TRIO: variants seen among roughly 807,000 people sequenced by gnomAD.
TRIO encodes triple functional domain protein.
In TRIO, 58 loss-of-function variants were observed where a neutral mutation model predicts 351.9. That is an observed-to-expected ratio of 0.16 (90% CI 0.13 to 0.21). TRIO has a LOEUF of 0.21. TRIO is among the 10% of genes least tolerant of loss of function. The probability of loss-of-function intolerance (pLI) is 1.00; values close to 1 mark genes in which losing one functional copy is unlikely to be tolerated. For missense variants in TRIO, 3,201 were observed against 4,027.8 expected (o/e 0.79, Z 5.56); for synonymous variants, 1,758 against 1,595.7 (o/e 1.10, Z -2.42).
intron 33 of TRIO, among the ~76,000 whole-genome samples, chr5:14,409,339 G>A (rs1013150659): frequency 6.8e-6 from 1 of 146,524 alleles, no homozygotes; most frequent in South Asian, 2.1e-4. Context: ...TCCAACGAAA[G>A]AGGAAGAATA....
chr5:14,388,028 T>C, intron 23 of TRIO, 181 bp downstream of exon 23: 1 of 589,402 alleles, frequency 1.7e-6, no homozygotes, highest in Non-Finnish European at 3.0e-6. Context: ...TATCACCTGG[T>C]TCAGAAACAG....
chr5:14,392,405 G>A (rs371610049), intron 27 of TRIO, among the ~76,000 whole-genome samples: 2 of 152,162 alleles, frequency 1.3e-5, no homozygotes, highest in African/African-American at 4.8e-5. Flanking sequence ...TTAGAATGGC[G>A]ATCATTAAAA....
At chr5:14,251,707 C>A (rs2152248067) in intron 1 of TRIO, among the ~76,000 whole-genome samples, 1 of 152,328 alleles carries the variant, frequency 6.6e-6, no homozygotes, top group South Asian at 2.1e-4. Context: ...CACCTCGAAG[C>A]TACCCTGGGA....
intron 4 of TRIO, among the ~76,000 whole-genome samples, chr5:14,290,482 T>G (rs926514534): frequency 6.6e-6 from 1 of 152,194 alleles, no homozygotes; most frequent in African/African-American, 2.4e-5. Flanking sequence ...TTCTACAGTT[T>G]TGGGTATTCC....
rs1055296970 is a variant in TRIO, at chr5:14,369,294, C to A, written c.3067-80C>A. The A allele has an allele frequency of 8.0e-6, 12 of 1,508,590 alleles. No individual in the cohort carries two copies. In the African/African-American group the frequency reaches 1.3e-4, roughly 16 times the overall value. 93.5% of individuals were successfully genotyped at this position (1,508,590 alleles called of 1,614,324 possible). A position where few individuals can be genotyped will look rare whatever the true frequency, so the allele number is the denominator to read the frequency against. On this transcript the variant is annotated intron_variant, in intron 17 of 56. Coordinates refer to ENST00000344204, the MANE Select transcript of TRIO (RefSeq NM_007118.4). Reference sequence around the variant, plus strand: ...CTGACAGCATCTTCATCCCCAGAGCCCGACTGAAAGGGCTTTCCAGGGATA... The same window carrying A: ...CTGACAGCATCTTCATCCCCAGAGCACGACTGAAAGGGCTTTCCAGGGATA...
intron 1 of TRIO, among the ~76,000 whole-genome samples, chr5:14,164,396 C>T (rs953864600): frequency 6.6e-6 from 1 of 152,174 alleles, no homozygotes; most frequent in African/African-American, 2.4e-5. Context: ...GGGCTAGCTC[C>T]AGCTTAAATA....
intron 1 of TRIO, among the ~76,000 whole-genome samples, chr5:14,182,099 A>AT (rs61476674): frequency 2.7e-4 from 41 of 150,824 alleles, no homozygotes; most frequent in Middle Eastern, 6.8e-3. Context: ...TTTGAAGGGC[A>AT]TTTTTTTTTT....
chr5:14,374,325 C>T lies in TRIO; in HGVS notation c.3313C>T (p.Pro1105Ser). Residue 1105 changes from proline (P) to serine (S), a missense_variant, in exon 19 of 57, where the codon CCT (proline) becomes TCT (serine). Transcript: ENST00000344204. ...AGGAATGGTGACGCACATCAAAGCTCCTGAACAGCAAGTGAAAAGTGAGTA... is the reference window on the plus strand; with the variant it reads ...AGGAATGGTGACGCACATCAAAGCTTCTGAACAGCAAGTGAAAAGTGAGTA... ...MPGMVTHIKAPEQQVKNILNE... is the reference protein window; with the variant it reads ...MPGMVTHIKASEQQVKNILNE... 1.2e-6 allele frequency: 2 copies of T among 1,613,118 alleles called. No homozygotes were observed. The highest frequency in any genetic ancestry group is 2.2e-5 in the East Asian group (1 of 44,828).
intron 3 of TRIO, among the ~76,000 whole-genome samples, chr5:14,283,807 A>G (rs1420609352): frequency 6.6e-6 from 1 of 152,116 alleles, no homozygotes; most frequent in African/African-American, 2.4e-5. Flanking sequence ...AGGTGAGTTC[A>G]TAAGATTCAT....
At chr5:14,485,362 T>G (rs1227951192) in intron 47 of TRIO, 116 bp downstream of exon 47, 1 of 1,077,510 alleles carries the variant, frequency 9.3e-7, no homozygotes, top group African/African-American at 1.6e-5. Flanking sequence ...CTCACCACTC[T>G]TCAGGCACTG....
At position 14,359,367 on chromosome 5, in the gene TRIO, A is replaced by G; in HGVS notation, c.2227A>G (p.Ile743Val). The G allele has an allele frequency of 1.9e-6, 3 of 1,612,894 alleles. No homozygotes were observed. Among genetic ancestry groups the G allele is most frequent in the Non-Finnish European group, 2.5e-6 (3 of 1,178,934 alleles). Residue 743 changes from isoleucine (I) to valine (V), a missense_variant, in exon 13 of 57, where the codon ATC (isoleucine) becomes GTC (valine). Coordinates refer to ENST00000344204, the MANE Select transcript of TRIO (RefSeq NM_007118.4). ...DLIQQLRDSA[I>V]SSNKTPHNSS... ...TGTGTGCTCTCGCAGGGACTCTGCC[A>G]TCTCCAGTAACAAGACCCCCCACAA...
rs150862973 is a variant in TRIO at position 14,182,437 on chromosome 5, G to A, written c.157+38555G>A. Among the ~76,000 whole-genome samples the A allele has an allele frequency of 3.5e-4, 53 of 152,342 alleles. 1 individual carries two copies. Among genetic ancestry groups the A allele is most frequent in the African/African-American group, 1.3e-3 (53 of 41,566 alleles). Reference sequence around the variant, plus strand: ...TTGTTGTCAGAGTGTAGGTGGAATAGCAAAGTTTTAGAAATGATTGCCTTA... The same window carrying A: ...TTGTTGTCAGAGTGTAGGTGGAATAACAAAGTTTTAGAAATGATTGCCTTA... On this transcript the variant is annotated intron_variant, in intron 1 of 56. Coordinates refer to ENST00000344204, the MANE Select transcript of TRIO (RefSeq NM_007118.4).
At chr5:14,407,323 G>A (rs902014590) in intron 33 of TRIO, among the ~76,000 whole-genome samples, 1 of 152,208 alleles carries the variant, frequency 6.6e-6, no homozygotes, top group African/African-American at 2.4e-5. Context: ...CAGTCCACAT[G>A]AGGTGCGAGT....
At chr5:14,432,223 G>A (rs1751215460) in intron 34 of TRIO, among the ~76,000 whole-genome samples, 2 of 152,168 alleles carry the variant, frequency 1.3e-5, no homozygotes, top group Non-Finnish European at 1.5e-5. Flanking sequence ...TTTAGGGTAG[G>A]AAAAGGGAAG....
chr5:14,261,155 C>A (rs80184527), intron 1 of TRIO, among the ~76,000 whole-genome samples: 3 of 152,278 alleles, frequency 2.0e-5, no homozygotes, highest in African/African-American at 7.2e-5. Context: ...AAATTTTAAA[C>A]CCAAATCGTG....
At position 14,250,002 on chromosome 5, in the gene TRIO, A is replaced by G. The variant is rs553161482; in HGVS notation, c.158-20823A>G. 3.3e-5 allele frequency among the ~76,000 whole-genome samples: 5 copies of G among 152,354 alleles called. No individual in the cohort carries two copies. In the East Asian group the frequency reaches 9.6e-4, roughly 29 times the overall value. ...CAGTGTGCTCGAAAAGGCACAGGGA[A>G]ATGACAAATAAGAATTTGTTAGAGA... On this transcript the variant is annotated intron_variant, in intron 1 of 56. Coordinates refer to ENST00000344204, the MANE Select transcript of TRIO (RefSeq NM_007118.4).
At chr5:14,334,498 G>A (rs1463965364) in intron 10 of TRIO, among the ~76,000 whole-genome samples, 1 of 152,232 alleles carries the variant, frequency 6.6e-6, no homozygotes, top group East Asian at 1.9e-4. Flanking sequence ...AAGGCTTTCA[G>A]AAACGTAATA....
chr5:14,242,751 AT>A (rs111415066), intron 1 of TRIO, among the ~76,000 whole-genome samples: 1 of 151,808 alleles, frequency 6.6e-6, no homozygotes. Flanking sequence ...CTTTTAAAAC[AT>A]TTTTTTTACA....
chr5:14,364,541 C>G, intron 14 of TRIO, 109 bp from the exon 15 acceptor site: 1 of 1,382,546 alleles, frequency 7.2e-7, no homozygotes, highest in African/African-American at 1.5e-5. Flanking sequence ...ATGGCTTGGC[C>G]CCCAGCTGGG....
Sources: gnomAD v4.1 joint callset for allele counts (sites outside exome capture counted in the v4.1 genomes callset) on GRCh38, gnomAD v4.1.1 for gene constraint, MANE v1.5 for transcripts, NCBI Gene and HGNC (gene_info 2026-07-23, HGNC 2026-07-21) for gene names.